The following MROH7 variants were observed in gnomAD, a reference collection of about 807,000 sequenced individuals.
The protein encoded by MROH7 is maestro heat like repeat family member 7.
In MROH7, 113 loss-of-function variants were observed where a neutral mutation model predicts 129.2. The observed-to-expected ratio is 0.87, with a 90% CI of 0.75 to 1.02. The LOEUF is 1.02. Ranked by LOEUF, MROH7 falls within the 50% of genes least tolerant of loss-of-function variation. The pLI is 0.00. For synonymous variants in MROH7, 655 were observed against 667.9 expected, an observed-to-expected ratio of 0.98 and a Z score of 0.30; for missense variants, 1,601 against 1,671.3, an observed-to-expected ratio of 0.96 and a Z score of 0.73.
chr1:54,704,818 A>G (rs1490914965), intron 21 of MROH7, among the ~76,000 whole-genome samples: 4 of 15,404 alleles, frequency 2.6e-4, no homozygotes, highest in African/African-American at 8.1e-4. Context: ...TTTTTTTTTG[A>G]GATGGAGTTT....
Position 54,695,469 on chromosome 1 carries a change from G to T in MROH7, c.2943G>T (p.Thr981=). 1 of 1,613,668 alleles carries T rather than the reference G, an allele frequency of 6.2e-7. No homozygotes were observed. Among genetic ancestry groups the T allele is most frequent in the East Asian group, 2.2e-5 (1 of 44,852 alleles). Residue 981 remains threonine, a synonymous_variant, in exon 17 of 24, where the codon ACG becomes ACT. Coordinates refer to ENST00000421030, the MANE Select transcript of MROH7 (RefSeq NM_001039464.4). ...LERGDEKHRI[T]ATAFFVELLQ... ...GAGGCGACGAGAAGCACAGGATCACGGCCACCGCCTTCTTCGTGGAGGTAC... is the reference window on the plus strand; with the variant it reads ...GAGGCGACGAGAAGCACAGGATCACTGCCACCGCCTTCTTCGTGGAGGTAC...
intron 16 of MROH7, among the ~76,000 whole-genome samples, chr1:54,694,157 C>T (rs187896720): frequency 3.9e-5 from 6 of 152,322 alleles, no homozygotes; most frequent in Admixed American, 3.3e-4. Context: ...GTTCGGATTA[C>T]AGGCGTGAGC....
chr1:54,687,541 G>C (rs1242405682), intron 15 of MROH7, among the ~76,000 whole-genome samples: 1 of 152,198 alleles, frequency 6.6e-6, no homozygotes, highest in African/African-American at 2.4e-5. Context: ...GTGTACATGT[G>C]ATTTTATATG....
At chr1:54,665,344 C>G (rs1055368713) in intron 4 of MROH7, 104 bp downstream of exon 4, 1 of 759,416 alleles carries the variant, frequency 1.3e-6, no homozygotes, top group Non-Finnish European at 2.2e-6. Flanking sequence ...ATGCCTCTGC[C>G]CAGCTCTCCT....
In MROH7 at chr1:54,665,155, C is replaced by T. The variant is rs376325842; in HGVS notation, c.1232-12C>T. The T allele has an allele frequency of 1.3e-5, 21 of 1,610,356 alleles. No homozygotes were observed. The highest frequency in any genetic ancestry group is 2.7e-5 in the African/African-American group (2 of 74,824). On this transcript the variant is annotated splice_polypyrimidine_tract_variant and intron_variant, in intron 3 of 23. Coordinates refer to ENST00000421030, the MANE Select transcript of MROH7 (RefSeq NM_001039464.4). ...GCTTTATCCACCTTCTCATTGAAAT[C>T]GTGCCCTGCAGGAGCCTTTGATGAA... is the stretch of plus-strand genomic sequence containing the variant.
At chr1:54,667,783 A>G (rs889331420) in intron 4 of MROH7, among the ~76,000 whole-genome samples, 11 of 151,988 alleles carry the variant, frequency 7.2e-5, no homozygotes, top group African/African-American at 2.7e-4. Context: ...AAAAAAAAAA[A>G]AAATCAGCTG....
At chr1:54,651,812 G>GTC (rs1557689760) in intron 1 of MROH7, 137 bp from the exon 2 acceptor site, 2 of 41,648 alleles carry the variant, frequency 4.8e-5, no homozygotes, top group Non-Finnish European at 1.7e-4. Context: ...CTCTCTCTCT[G>GTC]TGTGTGTGTG....
chr1:54,686,338 G>A lies in MROH7; in HGVS notation c.2601G>A (p.Leu867=), dbSNP rs1645146560. 3 of 1,614,030 alleles carry A rather than the reference G, an allele frequency of 1.9e-6. No homozygotes were observed. Among genetic ancestry groups the A allele is most frequent in the Non-Finnish European group, 2.5e-6 (3 of 1,180,036 alleles). ...GGCGCATCTACCCTCAGCTGCTCCTGGCCCTGCTCATTCAGGTCCATTACC... is the reference window on the plus strand; with the variant it reads ...GGCGCATCTACCCTCAGCTGCTCCTAGCCCTGCTCATTCAGGTCCATTACC... ...RVRRIYPQLL[L]ALLIQVHYHI... Residue 867 remains leucine (L), a synonymous_variant, in exon 15 of 24, where the codon CTG becomes CTA. Coordinates refer to ENST00000421030, the MANE Select transcript of MROH7 (RefSeq NM_001039464.4).
intron 10 of MROH7, among the ~76,000 whole-genome samples, chr1:54,677,121 G>A (rs529644609): frequency 1.3e-5 from 2 of 152,024 alleles, no homozygotes; most frequent in East Asian, 2.0e-4. Flanking sequence ...ATTACAGGCC[G>A]GGTGCGGTGG....
chr1:54,661,219 A>G (rs11206409), intron 3 of MROH7, among the ~76,000 whole-genome samples: 3,855 of 152,206 alleles, frequency 0.025, 163 homozygotes, highest in African/African-American at 0.087. Flanking sequence ...AATTAATTTT[A>G]AACTTTTTAA....
At chr1:54,701,882 T>C (rs904048078) in intron 19 of MROH7, among the ~76,000 whole-genome samples, 3 of 152,128 alleles carry the variant, frequency 2.0e-5, no homozygotes, top group South Asian at 2.1e-4. Context: ...GTTTTTTTTT[T>C]TTCTTTAAAC....
At chr1:54,655,037 G>A (rs1395085521) in intron 3 of MROH7, among the ~76,000 whole-genome samples, 1 of 142,944 alleles carries the variant, frequency 7.0e-6, no homozygotes, top group African/African-American at 2.6e-5. Flanking sequence ...TTTTTTGAGT[G>A]GGAGTCTCAT....
rs1253808807 is a variant in MROH7 at position 54,653,560 on chromosome 1, C to CT, written c.636dup (p.Asp213Ter). 1 of 1,614,172 alleles carries CT rather than the reference C, an allele frequency of 6.2e-7. No individual in the cohort carries two copies. Among genetic ancestry groups the CT allele is most frequent in the Non-Finnish European group, 8.5e-7 (1 of 1,180,042 alleles). On this transcript the variant is annotated frameshift_variant, in exon 3 of 24. Coordinates refer to ENST00000421030, the MANE Select transcript of MROH7 (RefSeq NM_001039464.4). LOFTEE classifies it high-confidence loss of function. ...TCCAACCTCAAACTCTTCTCTGGAC[C>CT]TTGACTCCAATCCATTGCTCAACAT...
Position 54,652,991 on chromosome 1 carries a change from C to A in MROH7, c.65C>A (p.Pro22His), listed in dbSNP as rs746954048. The A allele has an allele frequency of 6.2e-7, 1 of 1,613,752 alleles. No homozygotes were observed. Among genetic ancestry groups the A allele is most frequent in the Non-Finnish European group, 8.5e-7 (1 of 1,179,834 alleles). ...GACCCAAAGATGACACCAAGTCCCCCCTCCTGTGGGGCCCCGGGATTAGGG... is the reference window on the plus strand; with the variant it reads ...GACCCAAAGATGACACCAAGTCCCCACTCCTGTGGGGCCCCGGGATTAGGG... ...HEDPKMTPSP[P>H]SCGAPGLGSG... The change falls in exon 3 of 24, where the codon CCC becomes CAC. Residue 22 changes from proline to histidine, a missense_variant. By Grantham distance (77) the Pro-to-His change is moderately conservative. Transcript: ENST00000421030.
At chr1:54,656,685 G>A (rs1282306215) in intron 3 of MROH7, among the ~76,000 whole-genome samples, 1 of 151,884 alleles carries the variant, frequency 6.6e-6, no homozygotes, top group Non-Finnish European at 1.5e-5. Context: ...TAGCTGATGT[G>A]GTGGCCGGGG....
intron 16 of MROH7, 63 bp from the exon 17 acceptor site, chr1:54,695,313 C>T (rs1645301913): frequency 2.4e-6 from 2 of 847,704 alleles, no homozygotes; most frequent in East Asian, 2.7e-5. Context: ...ACAAGCAAAT[C>T]CCCCCCACAG....
chr1:54,674,506 A>G (rs1238091161), intron 10 of MROH7, among the ~76,000 whole-genome samples: 1 of 152,114 alleles, frequency 6.6e-6, no homozygotes. Flanking sequence ...CTATAATCCT[A>G]TGAGGGAAGG....
In MROH7 at chr1:54,701,329, A is replaced by G. The variant is rs764784728; in HGVS notation, c.3285+7A>G. 1 of 1,580,812 alleles carries G rather than the reference A, an allele frequency of 6.3e-7. No individual in the cohort carries two copies. Among genetic ancestry groups the G allele is most frequent in the Admixed American group, 1.7e-5 (1 of 57,726 alleles). On this transcript the variant is annotated splice_region_variant and intron_variant, in intron 19 of 23. Coordinates refer to ENST00000421030, the MANE Select transcript of MROH7 (RefSeq NM_001039464.4). ...GCTGCCGCACTTCAGCGACGTGAGG[A>G]CCTCACAGAGCGAAGGAGCAGGAGG...
At chr1:54,642,894 C>T (rs142207979) in intron 1 of MROH7, among the ~76,000 whole-genome samples, 114 of 152,336 alleles carry the variant, frequency 7.5e-4, no homozygotes, top group Middle Eastern at 3.4e-3. Flanking sequence ...GGATTATAGG[C>T]GTGAGCCATT....
Sources: allele counts gnomAD v4.1 joint callset (sites outside exome capture counted in the v4.1 genomes callset), GRCh38; gene constraint gnomAD v4.1.1; transcripts MANE v1.5; gene names NCBI Gene and HGNC (gene_info 2026-07-23, HGNC 2026-07-21).